Variants in DOK6 observed in about 807,000 individuals in gnomAD.
DOK6 encodes downstream of tyrosine kinase 6.
DOK6 carries 22 observed loss-of-function variants against 44.0 expected under a neutral mutation model. That is an observed-to-expected ratio of 0.50 (90% CI 0.36 to 0.71). The LOEUF is 0.71. Ranked by LOEUF, DOK6 falls within the 30% of genes least tolerant of loss-of-function variation. The pLI, the probability that DOK6 is intolerant of heterozygous loss-of-function variation, is 0.00. For synonymous variants in DOK6, 166 were observed against 145.5 expected, an observed-to-expected ratio of 1.14 and a Z score of -1.01; for missense variants, 340 against 416.4, an observed-to-expected ratio of 0.82 and a Z score of 1.60.
intron 5 of DOK6, among the ~76,000 whole-genome samples, chr18:69,732,897 C>T (rs1447752825): frequency 5.9e-5 from 9 of 152,236 alleles, no homozygotes; most frequent in East Asian, 5.8e-4. Context: ...AAGAATTATC[C>T]GAGACCGGGT....
intron 4 of DOK6, among the ~76,000 whole-genome samples, chr18:69,679,742 G>A (rs1335103497): frequency 6.6e-6 from 1 of 152,124 alleles, no homozygotes; most frequent in Non-Finnish European, 1.5e-5. Context: ...TTGAAGATTT[G>A]GAGATATATA....
At chr18:69,404,100 G>C (rs550090265) in intron 1 of DOK6, among the ~76,000 whole-genome samples, 2 of 152,260 alleles carry the variant, frequency 1.3e-5, no homozygotes, top group Admixed American at 1.3e-4. Context: ...AAAAGGCCTG[G>C]ATATGAGGCC....
intron 7 of DOK6, among the ~76,000 whole-genome samples, chr18:69,794,225 G>A (rs1055259971): frequency 2.6e-5 from 4 of 152,080 alleles, no homozygotes; most frequent in African/African-American, 9.7e-5. Context: ...CCCCAGTACT[G>A]TTCAGTTATA....
chr18:69,544,906 G>A (rs1263056827), intron 1 of DOK6, among the ~76,000 whole-genome samples: 3 of 151,366 alleles, frequency 2.0e-5, no homozygotes, highest in East Asian at 1.9e-4. Context: ...TGAGGCGGGC[G>A]GATCACTAGG....
chr18:69,472,230 A>G (rs1431353428), intron 1 of DOK6, among the ~76,000 whole-genome samples: 2 of 152,242 alleles, frequency 1.3e-5, no homozygotes, highest in Non-Finnish European at 2.9e-5. Flanking sequence ...TAATAAAAAC[A>G]GGTGGGCCTA....
chr18:69,590,215 A>T (rs1303797129), intron 2 of DOK6, among the ~76,000 whole-genome samples: 1 of 152,150 alleles, frequency 6.6e-6, no homozygotes, highest in Non-Finnish European at 1.5e-5. Flanking sequence ...GACATTAATG[A>T]ATGAAAATTA....
At chr18:69,795,026 G>T (rs961172369) in intron 7 of DOK6, among the ~76,000 whole-genome samples, 1 of 152,022 alleles carries the variant, frequency 6.6e-6, no homozygotes, top group Non-Finnish European at 1.5e-5. Context: ...TAATAATAGA[G>T]ATAAAGTGCA....
intron 7 of DOK6, among the ~76,000 whole-genome samples, chr18:69,825,244 T>TACCAATTTG (rs1981705429): frequency 6.6e-6 from 1 of 152,128 alleles, no homozygotes; most frequent in African/African-American, 2.4e-5. Context: ...TTATGTGACT[T>TACCAATTTG]ACCAATTTGC....
intron 1 of DOK6, among the ~76,000 whole-genome samples, chr18:69,418,181 A>G (rs780796720): frequency 2.0e-5 from 3 of 152,046 alleles, no homozygotes; most frequent in Non-Finnish European, 4.4e-5. Flanking sequence ...TAGTTTCACA[A>G]TCTTAGGTCT....
At chr18:69,794,630 G>T (rs1354559767) in intron 7 of DOK6, among the ~76,000 whole-genome samples, 2 of 152,050 alleles carry the variant, frequency 1.3e-5, no homozygotes, top group African/African-American at 2.4e-5. Context: ...CAAAGCAGGG[G>T]TCCCAATCAC....
intron 3 of DOK6, among the ~76,000 whole-genome samples, chr18:69,670,344 TTCTC>T (rs1273779274): frequency 6.6e-6 from 1 of 152,128 alleles, no homozygotes; most frequent in Non-Finnish European, 1.5e-5. Context: ...TCCTGTCTCT[TTCTC>T]TCTCAACTGC....
chr18:69,443,246 A>G (rs1375915319), intron 1 of DOK6, among the ~76,000 whole-genome samples: 1 of 152,158 alleles, frequency 6.6e-6, no homozygotes, highest in Non-Finnish European at 1.5e-5. Flanking sequence ...TGAATATGAC[A>G]TTTGACTACC....
At chr18:69,449,053 T>TAGA (rs1432711116) in intron 1 of DOK6, among the ~76,000 whole-genome samples, 7 of 152,366 alleles carry the variant, frequency 4.6e-5, no homozygotes, top group African/African-American at 1.7e-4. Context: ...TTAGACTAAT[T>TAGA]TGTACATATG....
chr18:69,668,766 G>A (rs1210660688), intron 3 of DOK6, among the ~76,000 whole-genome samples: 1 of 152,096 alleles, frequency 6.6e-6, no homozygotes, highest in African/African-American at 2.4e-5. Flanking sequence ...GCATCATGTT[G>A]TACATGATAA....
chr18:69,645,376 T>G (rs1204134017), intron 3 of DOK6, among the ~76,000 whole-genome samples: 2 of 152,164 alleles, frequency 1.3e-5, no homozygotes, highest in Non-Finnish European at 2.9e-5. Context: ...CTTTTTAGAG[T>G]AGGTTTTTCA....
intron 7 of DOK6, among the ~76,000 whole-genome samples, chr18:69,794,243 C>A (rs1980680857): frequency 6.6e-6 from 1 of 152,138 alleles, no homozygotes; most frequent in Non-Finnish European, 1.5e-5. Flanking sequence ...ATACATAATT[C>A]TATCAAATAC....
At chr18:69,811,457 T>C (rs936577288) in intron 7 of DOK6, among the ~76,000 whole-genome samples, 1 of 149,982 alleles carries the variant, frequency 6.7e-6, no homozygotes, top group African/African-American at 2.5e-5. Flanking sequence ...TTAAGTTCTG[T>C]CTCTATAAAA....
chr18:69,836,160 T>G (rs1599352542), intron 7 of DOK6, among the ~76,000 whole-genome samples: 1 of 152,232 alleles, frequency 6.6e-6, no homozygotes, highest in African/African-American at 2.4e-5. Context: ...TCAATTTGAT[T>G]GTTATTTTCT....
intron 1 of DOK6, among the ~76,000 whole-genome samples, chr18:69,440,564 C>G (rs1371084805): frequency 6.6e-6 from 1 of 152,136 alleles, no homozygotes; most frequent in Non-Finnish European, 1.5e-5. Context: ...GGCCTTCTTA[C>G]TTGCAGGATA....
Sources: gnomAD v4.1 joint callset for allele counts (sites outside exome capture counted in the v4.1 genomes callset) on GRCh38, gnomAD v4.1.1 for gene constraint, MANE v1.5 for transcripts, NCBI Gene and HGNC (gene_info 2026-07-23, HGNC 2026-07-21) for gene names.